Variants in KATNIP observed in about 807,000 individuals in gnomAD.
KATNIP encodes the protein katanin interacting protein.
Under a neutral mutation model 174.0 loss-of-function variants are expected in KATNIP, and 126 were observed. The ratio of observed to expected loss-of-function variants is 0.72; its 90% CI spans 0.63 to 0.84. The LOEUF is 0.84. Among genes scored for constraint, KATNIP ranks in the 40% least tolerant of loss-of-function variants. The probability of loss-of-function intolerance (pLI) is 0.00; values close to 1 mark genes in which losing one functional copy is unlikely to be tolerated. For synonymous variants in KATNIP, 810 were observed against 835.7 expected, an observed-to-expected ratio of 0.97 and a Z score of 0.53; for missense variants, 1,958 against 2,109.7, an observed-to-expected ratio of 0.93 and a Z score of 1.41.
At chr16:27,559,892 A>G (rs2089790742) in intron 1 of KATNIP, among the ~76,000 whole-genome samples, 1 of 151,180 alleles carries the variant, frequency 6.6e-6, no homozygotes. Flanking sequence ...GAGGTGGGAG[A>G]ATCATTTGAA....
At chr16:27,577,841 C>T (rs916046991) in intron 2 of KATNIP, among the ~76,000 whole-genome samples, 1 of 151,998 alleles carries the variant, frequency 6.6e-6, no homozygotes, top group South Asian at 2.1e-4. Context: ...CCACTGCATT[C>T]CAACCTGGAC....
At chr16:27,663,275 G>A (rs1656495028) in intron 6 of KATNIP, among the ~76,000 whole-genome samples, 1 of 148,560 alleles carries the variant, frequency 6.7e-6, no homozygotes, top group Admixed American at 6.7e-5. Flanking sequence ...AGGATTACAG[G>A]TGTGACCCAC....
At chr16:27,618,398 T>C (rs951983958) in intron 2 of KATNIP, 27 bp from the exon 3 acceptor site, 10 of 1,571,258 alleles carry the variant, frequency 6.4e-6, no homozygotes, top group Non-Finnish European at 7.0e-6. Flanking sequence ...CATTCCGATA[T>C]CACACTGCTC....
chr16:27,773,261 G>A, intron 23 of KATNIP, 52 bp downstream of exon 23: 5 of 1,294,742 alleles, frequency 3.9e-6, no homozygotes, highest in Non-Finnish European at 5.5e-6. Flanking sequence ...GGGAGCATGG[G>A]AGGGTCGGGA....
At chr16:27,669,767 G>A (rs1210079350) in intron 6 of KATNIP, among the ~76,000 whole-genome samples, 1 of 152,114 alleles carries the variant, frequency 6.6e-6, no homozygotes, top group South Asian at 2.1e-4. Context: ...TTTCCTTTGC[G>A]AAGAAGCTGC....
chr16:27,562,376 A>G (rs1348644760), intron 1 of KATNIP, among the ~76,000 whole-genome samples: 2 of 152,202 alleles, frequency 1.3e-5, no homozygotes, highest in African/African-American at 4.8e-5. Context: ...GAATCAAATG[A>G]ATTCATCCAT....
chr16:27,773,848 T>C (rs2082397787), intron 23 of KATNIP, among the ~76,000 whole-genome samples: 1 of 152,126 alleles, frequency 6.6e-6, no homozygotes, highest in African/African-American at 2.4e-5. Context: ...CATTGTTATC[T>C]ACCAGGCCCC....
chr16:27,735,035 G>C (rs1334051163), intron 14 of KATNIP, among the ~76,000 whole-genome samples: 1 of 152,216 alleles, frequency 6.6e-6, no homozygotes, highest in Admixed American at 6.5e-5. Flanking sequence ...TTCCCTATGG[G>C]GACCCCACTC....
chr16:27,708,735 A>C lies in KATNIP; in HGVS notation c.1420A>C (p.Lys474Gln). ...ACAGAGAATGAGGGCAGACGAGATC[A>C]AAGATGCCATCTACGTGACCATGGA... The part of the protein sequence containing the change: ...DKQRMRADEI[K>Q]DAIYVTMEIL... Residue 474 changes from lysine to glutamine, a missense_variant, in exon 13 of 28, where the codon AAA becomes CAA. Physicochemically the swap from Lys to Gln is moderately conservative, Grantham distance 53. Transcript: ENST00000261588. 1 of 1,613,990 alleles carries C rather than the reference A, an allele frequency of 6.2e-7. No homozygotes were observed. Among genetic ancestry groups the C allele is most frequent in the South Asian group, 1.1e-5 (1 of 91,076 alleles).
intron 15 of KATNIP, among the ~76,000 whole-genome samples, chr16:27,743,012 A>C (rs2081164462): frequency 6.6e-6 from 1 of 151,896 alleles, no homozygotes; most frequent in Non-Finnish European, 1.5e-5. Flanking sequence ...CCCTCCTCCC[A>C]CTACACCCCC....
intron 7 of KATNIP, among the ~76,000 whole-genome samples, chr16:27,679,455 A>G (rs988584011): frequency 2.0e-5 from 3 of 152,074 alleles, no homozygotes; most frequent in Admixed American, 1.3e-4. Context: ...TAGGATTTCA[A>G]TGTATGAGTT....
rs1200503451 is a variant in KATNIP at position 27,713,817 on chromosome 16, T to C, written c.1605+4897T>C. Among the ~76,000 whole-genome samples, 18 of 34,598 alleles carry C rather than the reference T, an allele frequency of 5.2e-4. 1 individual carries two copies. The highest frequency in any genetic ancestry group is 3.0e-3 in the African/African-American group (18 of 6,064). 22.7% of individuals were successfully genotyped at this position (34,598 alleles called of 152,430 possible). A position where few individuals can be genotyped will look rare whatever the true frequency, so the allele number is the denominator to read the frequency against. ...GTGTGTGTGTGTATATACATATATA[T>C]ATATATATATATATATATATATATA... On this transcript the variant is annotated intron_variant, in intron 13 of 27. Coordinates refer to ENST00000261588, the MANE Select transcript of KATNIP (RefSeq NM_015202.5).
chr16:27,652,381 A>G (rs940632008), intron 6 of KATNIP, among the ~76,000 whole-genome samples: 2 of 152,156 alleles, frequency 1.3e-5, no homozygotes, highest in Non-Finnish European at 2.9e-5. Context: ...GTTTGAGGGG[A>G]AACCATCATA....
chr16:27,701,928 G>GTT (rs1463783967), intron 11 of KATNIP, among the ~76,000 whole-genome samples: 2 of 152,152 alleles, frequency 1.3e-5, no homozygotes, highest in African/African-American at 4.8e-5. Context: ...GAGTATCTGG[G>GTT]ATCACAGGTG....
At chr16:27,696,428 T>C (rs1015583613) in intron 8 of KATNIP, among the ~76,000 whole-genome samples, 1 of 152,234 alleles carries the variant, frequency 6.6e-6, no homozygotes, top group Non-Finnish European at 1.5e-5. Context: ...GGTATACAGA[T>C]AATTTCATCA....
chr16:27,559,976 G>A (rs368366036), intron 1 of KATNIP, among the ~76,000 whole-genome samples: 6 of 151,560 alleles, frequency 4.0e-5, no homozygotes, highest in South Asian at 2.1e-4. Flanking sequence ...GCGAGACTCT[G>A]TATAAAAAAA....
intron 9 of KATNIP, among the ~76,000 whole-genome samples, chr16:27,698,869 T>TG (rs1425948394): frequency 6.6e-6 from 1 of 152,218 alleles, no homozygotes; most frequent in Non-Finnish European, 1.5e-5. Flanking sequence ...TTCCCGAGCG[T>TG]GGGCCCTTCA....
intron 15 of KATNIP, among the ~76,000 whole-genome samples, chr16:27,748,582 C>A (rs2081375675): frequency 1.3e-5 from 2 of 152,182 alleles, no homozygotes; most frequent in South Asian, 2.1e-4. Context: ...CAGAGTGAGA[C>A]CCTGTCTCAA....
intron 6 of KATNIP, among the ~76,000 whole-genome samples, chr16:27,655,201 TATATATATATATATATA>T (rs1482137996): frequency 1.3e-4 from 15 of 112,410 alleles, no homozygotes; most frequent in African/African-American, 4.9e-4. Context: ...TATATATATA[TATATATATATATATATA>T]TATATATATA....
Sources: gnomAD v4.1 joint callset for allele counts (sites outside exome capture counted in the v4.1 genomes callset) on GRCh38, gnomAD v4.1.1 for gene constraint, MANE v1.5 for transcripts, NCBI Gene and HGNC (gene_info 2026-07-23, HGNC 2026-07-21) for gene names.